JAZF1: variants seen among roughly 807,000 people sequenced by gnomAD.
JAZF1 encodes the protein JAZF zinc finger 1, also known as juxtaposed with another zinc finger protein 1.
In JAZF1, 8 loss-of-function variants were observed where a neutral mutation model predicts 26.4. The observed-to-expected ratio is 0.30, with a 90% confidence interval of 0.18 to 0.55. The LOEUF (loss-of-function observed/expected upper bound fraction) is 0.55. JAZF1 is among the 20% of genes least tolerant of loss of function. The pLI, the probability that JAZF1 is intolerant of heterozygous loss-of-function variation, is 0.94. For missense variants in JAZF1, 199 were observed against 322.0 expected (o/e 0.62, Z 2.92); for synonymous variants, 126 against 122.3 (o/e 1.03, Z -0.20).
intron 2 of JAZF1, among the ~76,000 whole-genome samples, chr7:27,987,713 C>G (rs913439918): frequency 2.0e-5 from 3 of 152,224 alleles, no homozygotes; most frequent in Non-Finnish European, 4.4e-5. Context: ...TCATTGAGAA[C>G]GGGCCATGAT....
intron 3 of JAZF1, chr7:27,843,279 A>G (rs1252015969): frequency 6.6e-6 from 1 of 152,240 alleles, no homozygotes; most frequent in Non-Finnish European, 1.5e-5. Flanking sequence ...TCTGACAGAG[A>G]ACATCAACAC....
At chr7:28,026,001 G>C (rs994501776) in intron 1 of JAZF1, among the ~76,000 whole-genome samples, 10 of 152,174 alleles carry the variant, frequency 6.6e-5, no homozygotes, top group African/African-American at 2.2e-4. Flanking sequence ...CAGTGAAAGG[G>C]AGTGTTATTA....
intron 1 of JAZF1, among the ~76,000 whole-genome samples, chr7:28,164,054 G>A (rs1178471405): frequency 6.6e-6 from 1 of 152,230 alleles, no homozygotes; most frequent in Admixed American, 6.5e-5. Context: ...TTGAGCTCTA[G>A]TAGTCCACCA....
intron 1 of JAZF1, among the ~76,000 whole-genome samples, chr7:28,114,102 A>T (rs1411002613): frequency 1.3e-5 from 2 of 152,202 alleles, no homozygotes; most frequent in African/African-American, 4.8e-5. Context: ...GGACAATGGG[A>T]ATATTAACAA....
At chr7:28,002,228 C>CA (rs1212662238) in intron 1 of JAZF1, among the ~76,000 whole-genome samples, 2 of 152,218 alleles carry the variant, frequency 1.3e-5, no homozygotes, top group African/African-American at 4.8e-5. Context: ...CTACTAGGCC[C>CA]AGTGGAATTC....
intron 3 of JAZF1, among the ~76,000 whole-genome samples, chr7:27,863,513 A>G (rs1046915494): frequency 6.6e-6 from 1 of 151,998 alleles, no homozygotes; most frequent in Non-Finnish European, 1.5e-5. Flanking sequence ...CCCAGGCACA[A>G]CCTCCGTACC....
chr7:27,845,118 TA>T (rs1267277535), intron 3 of JAZF1, among the ~76,000 whole-genome samples: 1 of 152,170 alleles, frequency 6.6e-6, no homozygotes, highest in East Asian at 1.9e-4. Context: ...ACAAAATATA[TA>T]AAGTATTTCC....
chr7:28,021,334 C>A (rs1456532575), intron 1 of JAZF1, among the ~76,000 whole-genome samples: 2 of 152,180 alleles, frequency 1.3e-5, no homozygotes, highest in Non-Finnish European at 2.9e-5. Context: ...AGGATTTACG[C>A]CCAGGCCCAT....
chr7:28,109,320 AT>A (rs1784602475), intron 1 of JAZF1, among the ~76,000 whole-genome samples: 1 of 152,222 alleles, frequency 6.6e-6, no homozygotes, highest in Non-Finnish European at 1.5e-5. Context: ...CACATTGTAT[AT>A]GGTAAATATA....
intron 4 of JAZF1, among the ~76,000 whole-genome samples, chr7:27,833,772 C>G (rs1782755758): frequency 6.6e-6 from 1 of 152,178 alleles, no homozygotes; most frequent in Non-Finnish European, 1.5e-5. Context: ...TTTGCTAGTT[C>G]ACCAGCATAT....
At chr7:28,143,122 C>G (rs1782981806) in intron 1 of JAZF1, among the ~76,000 whole-genome samples, 1 of 152,104 alleles carries the variant, frequency 6.6e-6, no homozygotes, top group African/African-American at 2.4e-5. Flanking sequence ...TCTAGTCTCA[C>G]CTTCCACAAC....
chr7:28,007,566 C>T (rs1304939886), intron 1 of JAZF1, among the ~76,000 whole-genome samples: 1 of 149,962 alleles, frequency 6.7e-6, no homozygotes, highest in Non-Finnish European at 1.5e-5. Flanking sequence ...GAGACTCCAT[C>T]TCAAAAAAAA....
chr7:28,100,394 C>T (rs1463726665), intron 1 of JAZF1, among the ~76,000 whole-genome samples: 1 of 151,878 alleles, frequency 6.6e-6, no homozygotes, highest in Non-Finnish European at 1.5e-5. Flanking sequence ...TTTCAAACTA[C>T]TGATTGTTCA....
intron 1 of JAZF1, among the ~76,000 whole-genome samples, chr7:28,075,717 C>G (rs1029526827): frequency 3.3e-5 from 5 of 152,044 alleles, no homozygotes; most frequent in African/African-American, 1.2e-4. Flanking sequence ...TAAGCACTCC[C>G]CATATTAATG....
rs577239975 is a variant in JAZF1 at position 27,986,309 on chromosome 7, T to A, written c.188+5600A>T. On this transcript the variant is annotated intron_variant, in intron 2 of 4. Coordinates refer to ENST00000283928, the MANE Select transcript of JAZF1 (RefSeq NM_175061.4). ...TGTGCAAAAATCACAAGCATTCCTA[T>A]ACACCAATAACAGACAGACAGAGAG... 2.6e-5 allele frequency among the ~76,000 whole-genome samples: 4 copies of A among 152,320 alleles called. No homozygotes were observed. In the South Asian group the frequency reaches 8.3e-4, roughly 32 times the overall value.
At chr7:27,905,567 T>C (rs1219713500) in intron 2 of JAZF1, among the ~76,000 whole-genome samples, 1 of 151,450 alleles carries the variant, frequency 6.6e-6, no homozygotes, top group Non-Finnish European at 1.5e-5. Context: ...TTTTTTATTT[T>C]TTTTCTTATT....
At chr7:28,009,012 G>C (rs943245918) in intron 1 of JAZF1, among the ~76,000 whole-genome samples, 6 of 152,136 alleles carry the variant, frequency 3.9e-5, no homozygotes, top group African/African-American at 1.4e-4. Flanking sequence ...ACATTATCAA[G>C]GTAATCACAA....
chr7:28,180,733 G>T lies in JAZF1; in HGVS notation c.-156C>A, dbSNP rs529755017. ...CGAGGACGGGACGGAGGGAGAGGGG[G>T]CGAGAGAGATGGAAGGAGAGCGAGG... On this transcript the variant is annotated 5_prime_UTR_variant, in exon 1 of 5. Coordinates refer to ENST00000283928, the MANE Select transcript of JAZF1 (RefSeq NM_175061.4). 122 of 515,724 alleles carry T rather than the reference G, an allele frequency of 2.4e-4. No homozygotes were observed. The highest frequency in any genetic ancestry group is 3.7e-4 in the Non-Finnish European group (107 of 287,288). The allele number at this position is 515,724 out of a possible 1,614,324, so 31.9% of individuals were successfully genotyped here. A position where few individuals can be genotyped will look rare whatever the true frequency, so the allele number is the denominator to read the frequency against.
intron 1 of JAZF1, among the ~76,000 whole-genome samples, chr7:28,134,691 T>A (rs954650764): frequency 5.1e-4 from 77 of 152,044 alleles, no homozygotes; most frequent in African/African-American, 1.8e-3. Flanking sequence ...AGGCCATCAA[T>A]TAGAACCCAG....
Sources: gnomAD v4.1 joint callset for allele counts (sites outside exome capture counted in the v4.1 genomes callset) on GRCh38, gnomAD v4.1.1 for gene constraint, MANE v1.5 for transcripts, NCBI Gene and HGNC (gene_info 2026-07-23, HGNC 2026-07-21) for gene names.